Variants in MYO5A observed in about 807,000 individuals in gnomAD.
MYO5A encodes unconventional myosin-Va.
Under a neutral mutation model 249.7 loss-of-function variants are expected in MYO5A, and 98 were observed. That is an observed-to-expected ratio of 0.39 (90% CI 0.33 to 0.46). The LOEUF is 0.46. Ranked by LOEUF, MYO5A falls within the 20% of genes least tolerant of loss-of-function variation. MYO5A has a pLI of 0.98. For missense variants in MYO5A, 1,696 were observed against 2,308.8 expected, an observed-to-expected ratio of 0.73 and a Z score of 5.44; for synonymous variants, 778 against 810.6, an observed-to-expected ratio of 0.96 and a Z score of 0.68.
At chr15:52,475,023 T>G (rs1177571697) in intron 1 of MYO5A, among the ~76,000 whole-genome samples, 1 of 152,178 alleles carries the variant, frequency 6.6e-6, no homozygotes, top group Non-Finnish European at 1.5e-5. Flanking sequence ...GTCCTGGACT[T>G]TTTTTGGTTG....
intron 1 of MYO5A, among the ~76,000 whole-genome samples, chr15:52,521,240 A>C (rs1023609431): frequency 1.4e-4 from 21 of 152,020 alleles, no homozygotes; most frequent in African/African-American, 5.1e-4. Flanking sequence ...AAAAAAAAAA[A>C]AAAAACCTCT....
intron 1 of MYO5A, among the ~76,000 whole-genome samples, chr15:52,501,175 G>A (rs1274640522): frequency 6.6e-6 from 1 of 151,854 alleles, no homozygotes; most frequent in African/African-American, 2.4e-5. Flanking sequence ...GATTTACCTT[G>A]TTAGCCAGGA....
chr15:52,511,345 T>C (rs1039935030), intron 1 of MYO5A, among the ~76,000 whole-genome samples: 3 of 152,274 alleles, frequency 2.0e-5, no homozygotes, highest in African/African-American at 7.2e-5. Context: ...TTTTCAGATC[T>C]TTCCAGATCG....
Position 52,389,225 on chromosome 15 carries a change from A to G in MYO5A, c.1668+13T>C, listed in dbSNP as rs758731400. 2 of 1,611,688 alleles carry G rather than the reference A, an allele frequency of 1.2e-6. No homozygotes were observed. The highest frequency in any genetic ancestry group is 2.2e-5 in the South Asian group (2 of 90,986). ...AGTATTCAAAAAGAAAAACTGATAT[A>G]AAGCTTCCTTACTTTGTCAGCAAAA... is the stretch of plus-strand genomic sequence containing the variant. On this transcript the variant is annotated intron_variant, in intron 13 of 41. Coordinates refer to ENST00000399233, the MANE Select transcript of MYO5A (RefSeq NM_001382347.1).
chr15:52,385,179 T>C, intron 14 of MYO5A, among the ~76,000 whole-genome samples: 1 of 152,214 alleles, frequency 6.6e-6, no homozygotes, highest in East Asian at 1.9e-4. Flanking sequence ...TTTACAACAG[T>C]GCCACATCCC....
At chr15:52,399,834 CTG>C (rs1038611295) in intron 9 of MYO5A, among the ~76,000 whole-genome samples, 22 of 152,006 alleles carry the variant, frequency 1.4e-4, no homozygotes, top group African/African-American at 5.3e-4. Context: ...TTGTATTCCC[CTG>C]TGTCTATTGT....
At chr15:52,419,813 A>G (rs1371058591) in intron 4 of MYO5A, among the ~76,000 whole-genome samples, 1 of 152,230 alleles carries the variant, frequency 6.6e-6, no homozygotes, top group Non-Finnish European at 1.5e-5. Context: ...AGAAATAGCC[A>G]ACTATATTTG....
chr15:52,352,476 A>C (rs2040001686), intron 27 of MYO5A, among the ~76,000 whole-genome samples: 1 of 152,306 alleles, frequency 6.6e-6, no homozygotes, highest in Admixed American at 6.5e-5. Flanking sequence ...CAGTCCTTTC[A>C]ATGTGTTATA....
intron 1 of MYO5A, among the ~76,000 whole-genome samples, chr15:52,494,288 A>C (rs1298817088): frequency 6.6e-6 from 1 of 152,220 alleles, no homozygotes; most frequent in African/African-American, 2.4e-5. Context: ...CAAAAATATA[A>C]GATGAAATTT....
intron 1 of MYO5A, among the ~76,000 whole-genome samples, chr15:52,506,088 A>C (rs1167176232): frequency 6.6e-6 from 1 of 152,122 alleles, no homozygotes; most frequent in Non-Finnish European, 1.5e-5. Flanking sequence ...GCTGTGGCTC[A>C]TGCCTGTAAT....
intron 28 of MYO5A, among the ~76,000 whole-genome samples, chr15:52,350,929 A>C (rs923199440): frequency 6.6e-6 from 1 of 152,236 alleles, no homozygotes; most frequent in African/African-American, 2.4e-5. Context: ...TCCCGCAGTA[A>C]GAAAATTTAG....
At chr15:52,393,934 A>G (rs1440113352) in intron 11 of MYO5A, among the ~76,000 whole-genome samples, 1 of 152,210 alleles carries the variant, frequency 6.6e-6, no homozygotes, top group African/African-American at 2.4e-5. Flanking sequence ...CAATATTGAC[A>G]ATAGAAACAC....
intron 1 of MYO5A, among the ~76,000 whole-genome samples, chr15:52,447,433 A>T (rs1448738619): frequency 1.3e-5 from 2 of 152,150 alleles, no homozygotes; most frequent in Non-Finnish European, 2.9e-5. Flanking sequence ...TCTTTTCCTT[A>T]TAAATTCCCA....
intron 1 of MYO5A, among the ~76,000 whole-genome samples, chr15:52,453,999 G>C (rs1225340012): frequency 6.6e-6 from 1 of 152,042 alleles, no homozygotes; most frequent in Non-Finnish European, 1.5e-5. Flanking sequence ...AATGACAGTA[G>C]AAAGTACTTA....
chr15:52,346,673 C>G (rs2039647693), intron 29 of MYO5A: 1 of 645,526 alleles, frequency 1.5e-6, no homozygotes, highest in Non-Finnish European at 2.9e-6. Flanking sequence ...TCCTGAGAAA[C>G]ACTAGCACTC....
chr15:52,488,684 T>C (rs1004692043), intron 1 of MYO5A, among the ~76,000 whole-genome samples: 7 of 152,098 alleles, frequency 4.6e-5, no homozygotes, highest in African/African-American at 1.2e-4. Context: ...AAGAAGAAAA[T>C]GTTGGGAAAA....
chr15:52,505,954 C>T, intron 1 of MYO5A: 2 of 1,139,880 alleles, frequency 1.8e-6, no homozygotes, highest in Non-Finnish European at 2.4e-6. Context: ...TGGCTCATAC[C>T]TGTAATCCCA....
At chr15:52,354,041 T>A in intron 25 of MYO5A, 27 bp from the exon 26 acceptor site, 1 of 1,613,742 alleles carries the variant, frequency 6.2e-7, no homozygotes, top group African/African-American at 1.3e-5. Context: ...ACAAAGATGG[T>A]CAAGACAAGC....
At position 52,528,814 on chromosome 15, in the gene MYO5A, C is replaced by G; in HGVS notation, c.-8G>C. ...GAGCTCCGACGCAGCCATGGCGGGC[C>G]CCGCGCGCCTACGCCCCCCGCCTGT... On this transcript the variant is annotated 5_prime_UTR_variant, in exon 1 of 42. Transcript: ENST00000399233. The G allele has an allele frequency of 6.7e-7, 1 of 1,487,836 alleles. No individual in the cohort carries two copies. The highest frequency in any genetic ancestry group is 1.3e-5 in the South Asian group (1 of 79,364). 92.2% of individuals were successfully genotyped at this position (1,487,836 alleles called of 1,614,324 possible).
Sources: gnomAD v4.1 joint callset for allele counts (sites outside exome capture counted in the v4.1 genomes callset) on GRCh38, gnomAD v4.1.1 for gene constraint, MANE v1.5 for transcripts, NCBI Gene and HGNC (gene_info 2026-07-23, HGNC 2026-07-21) for gene names.